RARB: variants seen among roughly 807,000 people sequenced by gnomAD.
RARB encodes the protein retinoic acid receptor beta.
In RARB, 17 loss-of-function variants were observed where a neutral mutation model predicts 51.9. The ratio of observed to expected loss-of-function variants is 0.33; its 90% CI spans 0.22 to 0.49. The LOEUF (loss-of-function observed/expected upper bound fraction) is 0.49, where lower values mean the gene tolerates loss of function less well. RARB is among the 20% of genes least tolerant of loss of function. RARB has a pLI of 0.99. For synonymous variants in RARB, 215 were observed against 195.4 expected (o/e 1.10, Z -0.84); for missense variants, 369 against 550.8 (o/e 0.67, Z 3.30).
chr3:25,411,177 A>T lies in RARB; in HGVS notation c.179-50016A>T, dbSNP rs149944401. Among the ~76,000 whole-genome samples the T allele has an allele frequency of 2.6e-3, 401 of 152,324 alleles. 3 individuals carry two copies. The highest frequency in any genetic ancestry group is 9.0e-3 in the African/African-American group (375 of 41,574). On this transcript the variant is annotated intron_variant, in intron 5 of 11. Transcript: ENST00000383772. ...GAAAAAATGAAAGGAAATTTATAAT[A>T]GTTTATGTTTTAACATGTAAATGCT... is the stretch of plus-strand genomic sequence containing the variant.
intron 5 of RARB, among the ~76,000 whole-genome samples, chr3:25,414,298 A>C (rs771224734): frequency 3.9e-5 from 6 of 152,186 alleles, no homozygotes; most frequent in Non-Finnish European, 8.8e-5. Flanking sequence ...TGGATATACC[A>C]CAATTTGTTT....
At chr3:25,450,516 G>A (rs542067384) in intron 1 of RARB, among the ~76,000 whole-genome samples, 1 of 152,228 alleles carries the variant, frequency 6.6e-6, no homozygotes, top group South Asian at 2.1e-4. Flanking sequence ...CAGAGCTGTA[G>A]TATTTTCTTT....
intron 5 of RARB, among the ~76,000 whole-genome samples, chr3:25,345,109 T>G (rs1338059402): frequency 1.3e-5 from 2 of 152,188 alleles, no homozygotes; most frequent in Non-Finnish European, 2.9e-5. Flanking sequence ...TCTGTGGGTG[T>G]TGATTTTCTA....
intron 3 of RARB, among the ~76,000 whole-genome samples, chr3:25,106,843 C>G (rs1259401650): frequency 6.6e-6 from 1 of 151,892 alleles, no homozygotes; most frequent in Admixed American, 6.6e-5. Flanking sequence ...AGCTATGGCC[C>G]TATACCAATT....
intron 1 of RARB, among the ~76,000 whole-genome samples, chr3:25,437,743 C>G (rs949746155): frequency 1.3e-5 from 2 of 152,184 alleles, no homozygotes; most frequent in African/African-American, 4.8e-5. Context: ...TAGATCATCT[C>G]TAAAAGTAGT....
At chr3:25,463,269 G>A (rs1225933008) in intron 2 of RARB, among the ~76,000 whole-genome samples, 1 of 152,162 alleles carries the variant, frequency 6.6e-6, no homozygotes, top group East Asian at 1.9e-4. Flanking sequence ...TTAGACCACT[G>A]TACTGCATGT....
intron 3 of RARB, among the ~76,000 whole-genome samples, chr3:25,524,294 A>G (rs1333558258): frequency 6.6e-6 from 1 of 152,228 alleles, no homozygotes; most frequent in Non-Finnish European, 1.5e-5. Context: ...CACGGCACCC[A>G]GCATAAATGA....
chr3:25,076,156 T>C (rs1020691659), intron 3 of RARB, among the ~76,000 whole-genome samples: 4 of 152,176 alleles, frequency 2.6e-5, no homozygotes, highest in South Asian at 2.1e-4. Flanking sequence ...ATTTTTTTTT[T>C]TTTTAGACAA....
intron 5 of RARB, among the ~76,000 whole-genome samples, chr3:25,194,703 T>A (rs1383485531): frequency 6.6e-6 from 1 of 151,718 alleles, no homozygotes; most frequent in Non-Finnish European, 1.5e-5. Flanking sequence ...AATAAATGTT[T>A]ATTGACCAGA....
chr3:24,936,398 C>T (rs1695548853), intron 2 of RARB, among the ~76,000 whole-genome samples: 1 of 152,124 alleles, frequency 6.6e-6, no homozygotes, highest in Non-Finnish European at 1.5e-5. Context: ...CTCAGATAAT[C>T]TCAGTTTAAA....
At chr3:25,498,625 T>G (rs1274250001) in intron 2 of RARB, among the ~76,000 whole-genome samples, 1 of 152,212 alleles carries the variant, frequency 6.6e-6, no homozygotes, top group Non-Finnish European at 1.5e-5. Context: ...TTCTCTGGTC[T>G]TCTTTCATTT....
At chr3:25,088,028 G>C (rs1036660143) in intron 3 of RARB, among the ~76,000 whole-genome samples, 3 of 151,854 alleles carry the variant, frequency 2.0e-5, no homozygotes, top group African/African-American at 4.8e-5. Context: ...TCACAAGAAG[G>C]TTGTAAAGGA....
At chr3:25,173,703 C>G (rs1270863542) in intron 4 of RARB, among the ~76,000 whole-genome samples, 5 of 152,306 alleles carry the variant, frequency 3.3e-5, no homozygotes, top group African/African-American at 1.2e-4. Context: ...CAGGGTCTAT[C>G]CCTTGTCAGG....
At chr3:25,141,245 T>G (rs938120977) in intron 4 of RARB, among the ~76,000 whole-genome samples, 2 of 152,130 alleles carry the variant, frequency 1.3e-5, no homozygotes, top group Non-Finnish European at 2.9e-5. Flanking sequence ...TATTTGCCTG[T>G]CCTTGCATGA....
At chr3:24,886,301 C>G (rs1177380823) in intron 2 of RARB, among the ~76,000 whole-genome samples, 2 of 152,114 alleles carry the variant, frequency 1.3e-5, no homozygotes, top group African/African-American at 4.8e-5. Context: ...TCACTCATTT[C>G]TTTGGAGTCC....
intron 3 of RARB, among the ~76,000 whole-genome samples, chr3:25,107,550 C>A (rs866891356): frequency 3.0e-4 from 46 of 152,098 alleles, no homozygotes; most frequent in African/African-American, 9.9e-4. Flanking sequence ...GTAGTCTTTC[C>A]CCTCATCCAC....
chr3:24,845,757 C>T (rs1702478748), intron 1 of RARB, among the ~76,000 whole-genome samples: 1 of 152,002 alleles, frequency 6.6e-6, no homozygotes, highest in Non-Finnish European at 1.5e-5. Flanking sequence ...CAGATAGCCC[C>T]CCTCCACCCA....
At chr3:25,449,610 T>G (rs1464962484) in intron 1 of RARB, among the ~76,000 whole-genome samples, 1 of 152,146 alleles carries the variant, frequency 6.6e-6, no homozygotes, top group African/African-American at 2.4e-5. Flanking sequence ...TCCCTTGAAC[T>G]TAAGACCATT....
intron 3 of RARB, among the ~76,000 whole-genome samples, chr3:25,566,107 G>A (rs894754717): frequency 7.9e-5 from 12 of 152,190 alleles, no homozygotes; most frequent in East Asian, 3.9e-4. Flanking sequence ...CTAGGCCCCC[G>A]TGGCTTCTTG....
Sources: allele counts gnomAD v4.1 joint callset (sites outside exome capture counted in the v4.1 genomes callset), GRCh38; gene constraint gnomAD v4.1.1; transcripts MANE v1.5; gene names NCBI Gene and HGNC (gene_info 2026-07-23, HGNC 2026-07-21).